The following RALGPS2 variants were observed in gnomAD, a reference collection of about 807,000 sequenced individuals.
The protein encoded by RALGPS2 is Ral GEF with PH domain and SH3 binding motif 2.
A neutral mutation model predicts 86.8 loss-of-function variants in RALGPS2; 43 were observed. The observed-to-expected ratio is 0.50, with a 90% CI of 0.39 to 0.64. RALGPS2 has a LOEUF of 0.64. Among genes scored for constraint, RALGPS2 ranks in the 30% least tolerant of loss-of-function variants. RALGPS2 has a pLI of 0.00. For synonymous variants in RALGPS2, 243 were observed against 231.3 expected (o/e 1.05, Z -0.46); for missense variants, 536 against 694.6 (o/e 0.77, Z 2.57).
intron 1 of RALGPS2, among the ~76,000 whole-genome samples, chr1:178,728,003 A>G (rs892459800): frequency 7.2e-5 from 11 of 152,292 alleles, no homozygotes; most frequent in African/African-American, 2.6e-4. Flanking sequence ...ACATTAAGAC[A>G]ATTGTTTTTA....
At position 178,771,025 on chromosome 1, in the gene RALGPS2, GACGGGGTTTC is replaced by G. The variant is rs534262852; in HGVS notation, c.-83-5654_-83-5645del. ...AGCTAAATTTTGTATTTTTAGTGGA[GACGGGGTTTC>G]ACCATGTTGGCCACGCTGGTCTCGA... is the stretch of plus-strand genomic sequence containing the variant. On this transcript the variant is annotated intron_variant, in intron 1 of 19. Transcript: ENST00000367635. Among the ~76,000 whole-genome samples, 458 of 151,454 alleles carry G rather than the reference GACGGGGTTTC, an allele frequency of 3.0e-3. 3 individuals are homozygous for G. The highest frequency in any genetic ancestry group is 0.021 in the Middle Eastern group (6 of 292).
chr1:178,910,949 T>C (rs1158915037), intron 19 of RALGPS2, among the ~76,000 whole-genome samples: 1 of 152,208 alleles, frequency 6.6e-6, no homozygotes, highest in Non-Finnish European at 1.5e-5. Flanking sequence ...AACTCATTAT[T>C]GGTCTTTTTA....
At chr1:178,843,038 G>C (rs12048770) in intron 8 of RALGPS2, among the ~76,000 whole-genome samples, 2,123 of 143,750 alleles carry the variant, frequency 0.015, 7 homozygotes, top group Middle Eastern at 0.025. Context: ...AATAGGAACA[G>C]TTTTACACTG....
At chr1:178,898,336 T>G (rs1660031446) in intron 17 of RALGPS2, among the ~76,000 whole-genome samples, 1 of 152,040 alleles carries the variant, frequency 6.6e-6, no homozygotes, top group Non-Finnish European at 1.5e-5. Flanking sequence ...CTAAGTCACA[T>G]GTTTTGGGGG....
intron 4 of RALGPS2, among the ~76,000 whole-genome samples, chr1:178,796,507 C>T (rs1033347517): frequency 6.6e-6 from 1 of 152,124 alleles, no homozygotes; most frequent in East Asian, 1.9e-4. Flanking sequence ...CTCCCAGCCC[C>T]ATTGCCCTCT....
At chr1:178,861,996 C>T (rs748745512) in intron 8 of RALGPS2, among the ~76,000 whole-genome samples, 1 of 152,056 alleles carries the variant, frequency 6.6e-6, no homozygotes, top group Non-Finnish European at 1.5e-5. Flanking sequence ...CCTCAGCCTC[C>T]TGAATAGCTA....
chr1:178,828,556 G>A (rs1415085882), intron 7 of RALGPS2, among the ~76,000 whole-genome samples: 1 of 152,152 alleles, frequency 6.6e-6, no homozygotes, highest in Non-Finnish European at 1.5e-5. Context: ...GACTGTATAA[G>A]GAACTCAGAC....
chr1:178,785,550 A>G lies in RALGPS2; in HGVS notation c.163-7A>G, dbSNP rs1434594664. 4 of 1,578,110 alleles carry G rather than the reference A, an allele frequency of 2.5e-6. No individual in the cohort carries two copies. The highest frequency in any genetic ancestry group is 2.3e-5 in the East Asian group (1 of 43,268). On this transcript the variant is annotated splice_polypyrimidine_tract_variant and splice_region_variant and intron_variant, in intron 3 of 19. Coordinates refer to ENST00000367635, the MANE Select transcript of RALGPS2 (RefSeq NM_152663.5). ...GAAGAAATTGTCATTTTTACTTTATATTTCAGGGTCAGATAACATTAATGG... is the reference window on the plus strand; with the variant it reads ...GAAGAAATTGTCATTTTTACTTTATGTTTCAGGGTCAGATAACATTAATGG...
intron 8 of RALGPS2, among the ~76,000 whole-genome samples, chr1:178,872,134 T>C (rs910499127): frequency 6.6e-6 from 1 of 152,192 alleles, no homozygotes; most frequent in African/African-American, 2.4e-5. Flanking sequence ...GATAAAACTT[T>C]TGGGCTTTCT....
intron 6 of RALGPS2, among the ~76,000 whole-genome samples, 188 bp downstream of exon 6, chr1:178,811,592 C>T (rs1032920955): frequency 6.6e-6 from 1 of 152,098 alleles, no homozygotes; most frequent in Non-Finnish European, 1.5e-5. Context: ...TGTTTTCCTA[C>T]CTTTTCTTTT....
chr1:178,913,459 A>G (rs920224244), intron 19 of RALGPS2, among the ~76,000 whole-genome samples: 3 of 151,998 alleles, frequency 2.0e-5, no homozygotes, highest in African/African-American at 7.3e-5. Context: ...CTTCCTTGCT[A>G]TTCAGATTCT....
chr1:178,744,506 A>G (rs533761827), intron 1 of RALGPS2, among the ~76,000 whole-genome samples: 220 of 152,282 alleles, frequency 1.4e-3, no homozygotes, highest in African/African-American at 4.3e-3. Flanking sequence ...ATTGCAGCCA[A>G]TACAGTCAAG....
chr1:178,865,088 G>T lies in RALGPS2; in HGVS notation c.608-12410G>T, dbSNP rs539634843. On this transcript the variant is annotated intron_variant, in intron 8 of 19. Coordinates refer to ENST00000367635, the MANE Select transcript of RALGPS2 (RefSeq NM_152663.5). ...CTCGTTACCTCCCAGCAGACCAGGA[G>T]TATACTGTTGGCTGTTAGGAATATG... The T allele has an allele frequency of 3.5e-5, 54 of 1,556,984 alleles. No homozygotes were observed. In the East Asian group the frequency reaches 9.2e-4, roughly 27 times the overall value.
chr1:178,852,735 C>A, intron 8 of RALGPS2: 1 of 1,613,740 alleles, frequency 6.2e-7, no homozygotes, highest in Non-Finnish European at 8.5e-7. Context: ...TACCATTATG[C>A]CACATCATAG....
At chr1:178,787,162 AT>A (rs1291334258) in intron 4 of RALGPS2, among the ~76,000 whole-genome samples, 4 of 152,132 alleles carry the variant, frequency 2.6e-5, no homozygotes, top group African/African-American at 9.7e-5. Flanking sequence ...GAAAAAAAAA[AT>A]CAAAAAAATG....
chr1:178,898,343 G>C (rs547073064), intron 17 of RALGPS2, among the ~76,000 whole-genome samples: 1 of 151,806 alleles, frequency 6.6e-6, no homozygotes, highest in Non-Finnish European at 1.5e-5. Context: ...ACATGTTTTG[G>C]GGGAGAAAAA....
At chr1:178,792,929 C>T (rs1323732937) in intron 4 of RALGPS2, among the ~76,000 whole-genome samples, 1 of 152,174 alleles carries the variant, frequency 6.6e-6, no homozygotes, top group African/African-American at 2.4e-5. Flanking sequence ...GTTGCTCTCT[C>T]ACTTTCCGTC....
intron 8 of RALGPS2, among the ~76,000 whole-genome samples, chr1:178,856,394 ATTTTTT>A (rs71108081): frequency 0.02 from 715 of 36,326 alleles, 4 homozygotes; most frequent in East Asian, 0.086. Flanking sequence ...TGCCTGGCTA[ATTTTTT>A]TTTTTTTTTT....
intron 15 of RALGPS2, among the ~76,000 whole-genome samples, chr1:178,892,700 T>G (rs1659769412): frequency 6.6e-6 from 1 of 152,134 alleles, no homozygotes; most frequent in Non-Finnish European, 1.5e-5. Flanking sequence ...TTTAAAAAGT[T>G]TTTCAGATAA....
Sources: gnomAD v4.1 joint callset for allele counts (sites outside exome capture counted in the v4.1 genomes callset) on GRCh38, gnomAD v4.1.1 for gene constraint, MANE v1.5 for transcripts, NCBI Gene and HGNC (gene_info 2026-07-23, HGNC 2026-07-21) for gene names.